PRIM1: variants seen among roughly 807,000 people sequenced by gnomAD.
The protein encoded by PRIM1 is DNA primase small subunit.
Under a neutral mutation model 60.2 loss-of-function variants are expected in PRIM1, and 38 were observed. The ratio of observed to expected loss-of-function variants is 0.63; its 90% confidence interval spans 0.49 to 0.83. The LOEUF (loss-of-function observed/expected upper bound fraction) is 0.83. Ranked by LOEUF, PRIM1 falls within the 40% of genes least tolerant of loss-of-function variation. PRIM1 has a pLI of 0.00. For synonymous variants in PRIM1, 158 were observed against 160.2 expected (o/e 0.99, Z 0.10); for missense variants, 388 against 506.2 (o/e 0.77, Z 2.24).
At chr12:56,749,690 TTG>T (rs1953933010) in intron 2 of PRIM1, among the ~76,000 whole-genome samples, 1 of 152,180 alleles carries the variant, frequency 6.6e-6, no homozygotes, top group Non-Finnish European at 1.5e-5. Context: ...CATTTAGAAA[TTG>T]TGTGTGAGCT....
chr12:56,749,967 G>T (rs986213837), intron 2 of PRIM1, among the ~76,000 whole-genome samples: 2 of 152,126 alleles, frequency 1.3e-5, no homozygotes, highest in Non-Finnish European at 2.9e-5. Context: ...AGTGGCAGGG[G>T]GTGGGAGGAG....
chr12:56,746,788 T>G lies in PRIM1; in HGVS notation c.435A>C (p.Ala145=). ...GAAACTGCTGATACTTGCCCTTCAA[T>G]GCTCTGTCAATGATGCGTATGGCCA... ...MTMAIRIIDR[A]LKEDFGFKHR... Residue 145 remains alanine, a synonymous_variant, in exon 4 of 13, where the codon GCA becomes GCC. Coordinates refer to ENST00000338193, the MANE Select transcript of PRIM1 (RefSeq NM_000946.3). 4 of 1,613,898 alleles carry G rather than the reference T, an allele frequency of 2.5e-6. No individual in the cohort carries two copies.
Position 56,751,118 on chromosome 12 carries a change from T to C in PRIM1, c.181A>G (p.Asn61Asp), listed in dbSNP as rs1394171203. The change falls in exon 2 of 13, where the codon AAC becomes GAC. Residue 61 changes from asparagine (N) to aspartate (D), a missense_variant. Physicochemically the swap from Asn to Asp is conservative, Grantham distance 23. Coordinates refer to ENST00000338193, the MANE Select transcript of PRIM1 (RefSeq NM_000946.3). Reference protein sequence around the residue: ...DDIYIRYQSFNNQSDLEKEMQ... With the variant: ...DDIYIRYQSFDNQSDLEKEMQ... ...TCCTTTTCCAGATCACTCTGGTTGTTGAAGGATTGGTAGCGAATGTAAATA... is the reference window on the plus strand; with the variant it reads ...TCCTTTTCCAGATCACTCTGGTTGTCGAAGGATTGGTAGCGAATGTAAATA... 3 of 1,592,176 alleles carry C rather than the reference T, an allele frequency of 1.9e-6. No individual in the cohort carries two copies. Among genetic ancestry groups the C allele is most frequent in the Non-Finnish European group, 2.6e-6 (3 of 1,167,480 alleles).
rs1284810735 is a variant in PRIM1 at position 56,741,833 on chromosome 12, A to T, written c.753T>A (p.Ile251=). The T allele has an allele frequency of 1.9e-6, 3 of 1,613,874 alleles. No individual in the cohort carries two copies. Among genetic ancestry groups the T allele is most frequent in the Non-Finnish European group, 2.5e-6 (3 of 1,179,778 alleles). Residue 251 remains isoleucine (I), a synonymous_variant, in exon 8 of 13, where the codon ATT becomes ATA. Transcript: ENST00000338193. The stretch of plus-strand genomic sequence containing the variant: ...GGAAGCTTTGTTGAAGTTCATCATG[A>T]ATTGGTGATGGGTCATTAAGGAACA... ...DKILALVPET[I]HDELQQSFQK... is the part of the protein sequence containing the mutation.
At position 56,746,088 on chromosome 12, in the gene PRIM1, G is replaced by A; in HGVS notation, c.536C>T (p.Ser179Phe). Residue 179 changes from serine (S) to phenylalanine (F), a missense_variant, in exon 5 of 13, where the codon TCT (serine) becomes TTT (phenylalanine). Physicochemically the swap from Ser to Phe is radical, Grantham distance 155 (BLOSUM62 -2). Transcript: ENST00000338193. ...CTCAACTATCCCAGAACGTACTGCA[G>A]AAGACAGTTTTCTAACTGATTCATC... ...VCDESVRKLS[S>F]AVRSGIVEYL... The A allele has an allele frequency of 6.2e-7, 1 of 1,613,562 alleles. No individual in the cohort carries two copies. The highest frequency in any genetic ancestry group is 8.5e-7 in the Non-Finnish European group (1 of 1,179,718).
intron 11 of PRIM1, among the ~76,000 whole-genome samples, chr12:56,736,298 T>TAGA (rs1555228526): frequency 1.2e-4 from 3 of 24,316 alleles, no homozygotes; most frequent in Admixed American, 8.0e-4. Context: ...ACTCTTTCTC[T>TAGA]AAAAAAAAAA....
At chr12:56,743,830 C>T in intron 6 of PRIM1, 2 of 393,494 alleles carry the variant, frequency 5.1e-6, no homozygotes, top group Non-Finnish European at 9.1e-6. Context: ...ACTCATTTTC[C>T]TTATCTATAA....
intron 2 of PRIM1, 89 bp from the exon 3 acceptor site, chr12:56,747,121 A>T (rs1364367624): frequency 9.3e-7 from 1 of 1,075,582 alleles, no homozygotes; most frequent in Non-Finnish European, 1.4e-6. Flanking sequence ...AAAGTTGCCA[A>T]ACAGAAATAA....
chr12:56,746,457 G>A, intron 4 of PRIM1: 3 of 581,164 alleles, frequency 5.2e-6, no homozygotes, highest in East Asian at 3.5e-5. Context: ...ATGGTGAAAC[G>A]CTGCCTCTAC....
chr12:56,746,756 C>T (rs750351469), intron 4 of PRIM1, 25 bp downstream of exon 4: 23 of 1,607,516 alleles, frequency 1.4e-5, no homozygotes, highest in Non-Finnish European at 1.8e-5. Flanking sequence ...ACACTTGACC[C>T]CATTCAGAAA....
At chr12:56,744,824 G>T (rs1953895577) in intron 5 of PRIM1, among the ~76,000 whole-genome samples, 1 of 152,132 alleles carries the variant, frequency 6.6e-6, no homozygotes, top group African/African-American at 2.4e-5. Flanking sequence ...GGACGCAGTG[G>T]CTCACACTTG....
chr12:56,752,045 T>A, intron 1 of PRIM1, 151 bp downstream of exon 1: 2 of 324,964 alleles, frequency 6.2e-6, no homozygotes, highest in South Asian at 2.7e-5. Flanking sequence ...CATTTACACC[T>A]ATGAAGTGGT....
chr12:56,746,024 T>G (rs569956534), intron 5 of PRIM1, 21 bp downstream of exon 5: 1 of 1,582,688 alleles, frequency 6.3e-7, no homozygotes, highest in African/African-American at 1.4e-5. Flanking sequence ...GCAATGCAAA[T>G]TAGAATTAAG....
intron 5 of PRIM1, among the ~76,000 whole-genome samples, chr12:56,745,725 G>A (rs1403907589): frequency 6.6e-6 from 1 of 152,010 alleles, no homozygotes; most frequent in African/African-American, 2.4e-5. Context: ...AATCACCTGA[G>A]GCTAGGAGTT....
At chr12:56,737,529 A>G (rs2137859635) in intron 11 of PRIM1, among the ~76,000 whole-genome samples, 1 of 151,376 alleles carries the variant, frequency 6.6e-6, no homozygotes, top group African/African-American at 2.4e-5. Context: ...CTGTATTTTT[A>G]GGATAGACAG....
chr12:56,735,380 G>T (rs989827428), intron 11 of PRIM1, among the ~76,000 whole-genome samples: 1 of 151,484 alleles, frequency 6.6e-6, no homozygotes, highest in Non-Finnish European at 1.5e-5. Context: ...TTACAGGCGT[G>T]AGCCACCGTG....
Position 56,751,208 on chromosome 12 carries a change from T to A in PRIM1, c.104-13A>T. 1 of 1,490,300 alleles carries A rather than the reference T, an allele frequency of 6.7e-7. No individual in the cohort carries two copies. 92.3% of individuals were successfully genotyped at this position (1,490,300 alleles called of 1,614,324 possible). On this transcript the variant is annotated splice_polypyrimidine_tract_variant and intron_variant, in intron 1 of 12. Coordinates refer to ENST00000338193, the MANE Select transcript of PRIM1 (RefSeq NM_000946.3). ...TAATTCTTTATCACTGCAAAATAAA[T>A]GTACATTTTAAAGTTAATTTGCTAC... is the stretch of plus-strand genomic sequence containing the variant.
In PRIM1 at chr12:56,738,438, G is replaced by C; in HGVS notation, c.1140C>G (p.Thr380=). ...AGCTTCAAAATATTACCTTACCTCT[G>C]GTTCTATGTTTGACATCAGATTCAG... ...NEAESDVKHR[T]RDYKKTSLAP... The change falls in exon 11 of 13, where the codon ACC becomes ACG. Residue 380 remains threonine, a synonymous_variant. Coordinates refer to ENST00000338193, the MANE Select transcript of PRIM1 (RefSeq NM_000946.3). The C allele has an allele frequency of 6.3e-7, 1 of 1,577,126 alleles. No individual in the cohort carries two copies.
At chr12:56,741,989 A>C in intron 7 of PRIM1, 152 bp from the exon 8 acceptor site, 4 of 766,084 alleles carry the variant, frequency 5.2e-6, no homozygotes, top group Non-Finnish European at 8.7e-6. Flanking sequence ...GTGGTGGCTC[A>C]TGCCTGTACT....
Sources: gnomAD v4.1 joint callset for allele counts (sites outside exome capture counted in the v4.1 genomes callset) on GRCh38, gnomAD v4.1.1 for gene constraint, MANE v1.5 for transcripts, NCBI Gene and HGNC (gene_info 2026-07-23, HGNC 2026-07-21) for gene names.